Variants in STK32A observed in about 807,000 individuals in gnomAD.
The protein encoded by STK32A is serine/threonine-protein kinase 32A.
A neutral mutation model predicts 53.2 loss-of-function variants in STK32A; 41 were observed. The observed-to-expected ratio is 0.77, with a 90% CI of 0.60 to 1.00. The LOEUF (loss-of-function observed/expected upper bound fraction) is 1.00, where lower values mean the gene tolerates loss of function less well. STK32A is among the 50% of genes least tolerant of loss of function. The pLI is 0.00. For missense variants in STK32A, 458 were observed against 485.8 expected (o/e 0.94, Z 0.54); for synonymous variants, 166 against 162.8 (o/e 1.02, Z -0.15).
rs796071561 is a variant in STK32A, at chr5:147,358,803, C to T, written c.563-2714C>T. Among the ~76,000 whole-genome samples the T allele has an allele frequency of 6.9e-4, 105 of 151,988 alleles. 1 individual carries two copies. The highest frequency in any genetic ancestry group is 2.3e-3 in the African/African-American group (97 of 41,496). On this transcript the variant is annotated intron_variant, in intron 7 of 12. Coordinates refer to ENST00000397936, the MANE Select transcript of STK32A (RefSeq NM_001112724.2). ...CTGAAATAAATAAATAGGTAGCTAGCCAATTTATCCACAGTTTCTGGGAGC... is the reference window on the plus strand; with the variant it reads ...CTGAAATAAATAAATAGGTAGCTAGTCAATTTATCCACAGTTTCTGGGAGC...
At chr5:147,248,556 T>A (rs1384029452) in intron 2 of STK32A, among the ~76,000 whole-genome samples, 1 of 152,214 alleles carries the variant, frequency 6.6e-6, no homozygotes, top group Non-Finnish European at 1.5e-5. Flanking sequence ...ATTTATTCGA[T>A]TGAGGAGCAT....
At chr5:147,280,299 C>A (rs1751991687) in intron 4 of STK32A, among the ~76,000 whole-genome samples, 1 of 151,790 alleles carries the variant, frequency 6.6e-6, no homozygotes, top group Non-Finnish European at 1.5e-5. Flanking sequence ...ACTCCGGGGG[C>A]AGGGGATAAA....
At chr5:147,249,817 G>T (rs926465546) in intron 2 of STK32A, among the ~76,000 whole-genome samples, 1 of 146,964 alleles carries the variant, frequency 6.8e-6, no homozygotes, top group Non-Finnish European at 1.5e-5. Flanking sequence ...GGAGGCTGAG[G>T]CAGGAGAATC....
At position 147,386,266 on chromosome 5, in the gene STK32A, G is replaced by A. The variant is rs1311451561; in HGVS notation, c.*2283G>A. 1 of 152,206 alleles carries A rather than the reference G, an allele frequency of 6.6e-6. No homozygotes were observed. Among genetic ancestry groups the A allele is most frequent in the Non-Finnish European group, 1.5e-5 (1 of 68,034 alleles). 9.4% of individuals were successfully genotyped at this position (152,206 alleles called of 1,614,324 possible). On this transcript the variant is annotated 3_prime_UTR_variant, in exon 13 of 13. Coordinates refer to ENST00000397936, the MANE Select transcript of STK32A (RefSeq NM_001112724.2). The stretch of plus-strand genomic sequence containing the variant: ...TTCAGAGAAGGGGATGTGTTGGAAA[G>A]AGCAAGAATAAGAAAGTGACCAGAT...
rs781446907 is a variant in STK32A at position 147,361,593 on chromosome 5, A to G, written c.639A>G (p.Ala213=). The change falls in exon 8 of 13, where the codon GCA becomes GCG. Residue 213 remains alanine, a synonymous_variant. Transcript: ENST00000397936. ...AVDWWSLGVT[A]YELLRGRRPY... is the part of the protein sequence containing the mutation. Reference sequence around the variant, plus strand: ...ACTGGTGGTCCCTGGGAGTGACGGCATATGAACTGCTGAGAGGCCGGGTAC... The same window carrying G: ...ACTGGTGGTCCCTGGGAGTGACGGCGTATGAACTGCTGAGAGGCCGGGTAC... The G allele has an allele frequency of 8.7e-6, 14 of 1,612,916 alleles. No individual in the cohort carries two copies. Among genetic ancestry groups the G allele is most frequent in the Admixed American group, 1.7e-5 (1 of 59,894 alleles).
intron 4 of STK32A, among the ~76,000 whole-genome samples, chr5:147,292,391 G>A (rs1038048676): frequency 6.6e-6 from 1 of 152,180 alleles, no homozygotes; most frequent in Admixed American, 6.5e-5. Context: ...TAAATAAAGA[G>A]TATTCACAAA....
At chr5:147,304,866 T>C (rs1334498609) in intron 4 of STK32A, among the ~76,000 whole-genome samples, 1 of 152,070 alleles carries the variant, frequency 6.6e-6, no homozygotes, top group Non-Finnish European at 1.5e-5. Flanking sequence ...TCCCAGTGTT[T>C]TGGGAGGCTG....
At chr5:147,247,373 G>C (rs1753806215) in intron 2 of STK32A, among the ~76,000 whole-genome samples, 1 of 152,200 alleles carries the variant, frequency 6.6e-6, no homozygotes, top group East Asian at 1.9e-4. Context: ...TAACATTCTT[G>C]TTAAAACAGG....
intron 7 of STK32A, among the ~76,000 whole-genome samples, chr5:147,354,004 T>TAGAG (rs10668611): frequency 0.4 from 58,588 of 148,184 alleles, 11,808 homozygotes; most frequent in East Asian, 0.61. Context: ...CCCATGTAAC[T>TAGAG]AGAGAGAGAG....
chr5:147,351,037 T>C, intron 6 of STK32A, 28 bp from the exon 7 acceptor site: 1 of 1,604,804 alleles, frequency 6.2e-7, no homozygotes, highest in Non-Finnish European at 8.5e-7. Context: ...GGGACTTAAC[T>C]TTCTGTGTGG....
intron 4 of STK32A, among the ~76,000 whole-genome samples, chr5:147,313,560 G>A (rs564779386): frequency 6.6e-5 from 10 of 152,278 alleles, no homozygotes; most frequent in Admixed American, 5.9e-4. Flanking sequence ...TTCACAAGCT[G>A]ATCTTAAAAT....
chr5:147,287,703 A>G (rs1336909396), intron 4 of STK32A, among the ~76,000 whole-genome samples: 1 of 152,100 alleles, frequency 6.6e-6, no homozygotes, highest in Non-Finnish European at 1.5e-5. Flanking sequence ...AAAAGCTAAA[A>G]TGGATGCAGC....
Position 147,351,367 on chromosome 5 carries a change from G to A in STK32A, c.562+213G>A, listed in dbSNP as rs115827444. On this transcript the variant is annotated intron_variant, in intron 7 of 12. Transcript: ENST00000397936. Reference sequence around the variant, plus strand: ...TGATTACATTTTGAAAACTTACTTCGTGTGTCAAGGAAGACCGTTTGTACC... The same window carrying A: ...TGATTACATTTTGAAAACTTACTTCATGTGTCAAGGAAGACCGTTTGTACC... Among the ~76,000 whole-genome samples the A allele has an allele frequency of 1.8e-3, 277 of 152,190 alleles. 1 individual carries two copies. The highest frequency in any genetic ancestry group is 6.4e-3 in the African/African-American group (265 of 41,520).
At chr5:147,325,418 T>G (rs6867255) in intron 5 of STK32A, among the ~76,000 whole-genome samples, 51,334 of 151,882 alleles carry the variant, frequency 0.34, 11,015 homozygotes, top group African/African-American at 0.61. Context: ...CTCCCAAAAT[T>G]CTGGGATTAC....
intron 2 of STK32A, among the ~76,000 whole-genome samples, chr5:147,276,243 A>G (rs912211964): frequency 4.6e-5 from 7 of 152,216 alleles, no homozygotes; most frequent in African/African-American, 1.7e-4. Flanking sequence ...AAGGTAAAAC[A>G]TAAGCCAAAA....
At chr5:147,329,618 C>T (rs548605838) in intron 5 of STK32A, among the ~76,000 whole-genome samples, 16 of 152,134 alleles carry the variant, frequency 1.1e-4, no homozygotes, top group Non-Finnish European at 2.4e-4. Flanking sequence ...CTGAGCGATG[C>T]ATGTGTGCCT....
intron 4 of STK32A, among the ~76,000 whole-genome samples, chr5:147,306,996 TG>T (rs1387379418): frequency 6.6e-6 from 1 of 152,164 alleles, no homozygotes; most frequent in African/African-American, 2.4e-5. Context: ...TCTTGTCATA[TG>T]TTGAGGAGGG....
At chr5:147,293,225 A>G (rs1418060941) in intron 4 of STK32A, among the ~76,000 whole-genome samples, 1 of 152,222 alleles carries the variant, frequency 6.6e-6, no homozygotes, top group Non-Finnish European at 1.5e-5. Context: ...TGCCTGTAGC[A>G]TACAACAACT....
At chr5:147,310,762 C>T (rs1454879847) in intron 4 of STK32A, among the ~76,000 whole-genome samples, 5 of 150,174 alleles carry the variant, frequency 3.3e-5, no homozygotes, top group African/African-American at 1.2e-4. Flanking sequence ...TCTTGGCTTG[C>T]CCTTTTATAT....
Sources: allele counts gnomAD v4.1 joint callset (sites outside exome capture counted in the v4.1 genomes callset), GRCh38; gene constraint gnomAD v4.1.1; transcripts MANE v1.5; gene names NCBI Gene and HGNC (gene_info 2026-07-23, HGNC 2026-07-21).